SPECC1L: variants seen among roughly 807,000 people sequenced by gnomAD.
SPECC1L encodes the protein sperm antigen with calponin homology and coiled-coil domains 1 like.
In SPECC1L, 40 loss-of-function variants were observed where a neutral mutation model predicts 116.8. That is an observed-to-expected ratio of 0.34 (90% confidence interval 0.27 to 0.45). The LOEUF (loss-of-function observed/expected upper bound fraction) is 0.45. Ranked by LOEUF, SPECC1L falls within the 20% of genes least tolerant of loss-of-function variation. The probability of loss-of-function intolerance (pLI) is 1.00; values close to 1 mark genes in which losing one functional copy is unlikely to be tolerated. For missense variants in SPECC1L, 1,110 were observed against 1,373.6 expected (o/e 0.81, Z 3.03); for synonymous variants, 504 against 500.6 (o/e 1.01, Z -0.09).
Position 24,369,316 on chromosome 22 carries a change from A to C in SPECC1L, c.3083A>C (p.Tyr1028Ser). ...TGGTGTCAGAAGAAAACAGAAGGCT[A>C]TCAGGTAATCATATGATTCTTTTGT... The part of the protein sequence containing the change: ...LKWCQKKTEG[Y>S]QNIDITNFSS... Residue 1028 changes from tyrosine to serine, a missense_variant, in exon 14 of 17, where the codon TAT becomes TCT. Tyr to Ser is a moderately radical substitution (Grantham distance 144). Coordinates refer to ENST00000314328, the MANE Select transcript of SPECC1L (RefSeq NM_015330.6). The C allele has an allele frequency of 6.2e-7, 1 of 1,610,670 alleles. No homozygotes were observed. Among genetic ancestry groups the C allele is most frequent in the South Asian group, 1.1e-5 (1 of 91,008 alleles).
intron 14 of SPECC1L, among the ~76,000 whole-genome samples, chr22:24,390,596 G>A (rs537306973): frequency 2.6e-5 from 4 of 152,134 alleles, no homozygotes; most frequent in Admixed American, 6.5e-5. Context: ...TGTGTTCCAG[G>A]GGTTAAAAAT....
chr22:24,363,333 A>G lies in SPECC1L; in HGVS notation c.2816A>G (p.Lys939Arg), dbSNP rs2041681949. ...LPRVPAMESA[K>R]TLSVSRRSSE... Reference sequence around the variant, plus strand: ...AGAGTGCCTGCGATGGAAAGTGCCAAGACCCTCTCAGGTGATGACTTTCAT... The same window carrying G: ...AGAGTGCCTGCGATGGAAAGTGCCAGGACCCTCTCAGGTGATGACTTTCAT... Residue 939 changes from lysine to arginine, a missense_variant, in exon 12 of 17, where the codon AAG (lysine) becomes AGG (arginine). By Grantham distance (26) the Lys-to-Arg change is conservative. This residue lies in a region of SPECC1L where 575 missense variants were observed against 682.4 expected (regional missense o/e 0.84). Coordinates refer to ENST00000314328, the MANE Select transcript of SPECC1L (RefSeq NM_015330.6). 6.2e-7 allele frequency: 1 copy of G among 1,614,100 alleles called. No homozygotes were observed.
chr22:24,355,426 C>CCTGTCTGT (rs143848080), intron 11 of SPECC1L, among the ~76,000 whole-genome samples: 4,678 of 151,812 alleles, frequency 0.031, 221 homozygotes, highest in South Asian at 0.12. Flanking sequence ...TATACACTAT[C>CCTGTCTGT]CTGTCTGTCT....
At chr22:24,388,206 A>G (rs1412075229) in intron 14 of SPECC1L, among the ~76,000 whole-genome samples, 1 of 149,318 alleles carries the variant, frequency 6.7e-6, no homozygotes, top group Non-Finnish European at 1.5e-5. Flanking sequence ...AACATTAGGT[A>G]TATCTCCTAA....
chr22:24,331,630 C>A (rs934867650), intron 8 of SPECC1L, among the ~76,000 whole-genome samples: 1 of 152,134 alleles, frequency 6.6e-6, no homozygotes, highest in East Asian at 1.9e-4. Flanking sequence ...GTGAGGCCTG[C>A]AGATTCCTGG....
At chr22:24,273,663 G>T (rs1429107031) in intron 1 of SPECC1L, among the ~76,000 whole-genome samples, 4 of 152,032 alleles carry the variant, frequency 2.6e-5, no homozygotes, top group Admixed American at 1.3e-4. Context: ...TGAGATCATT[G>T]GTCACAGTCT....
intron 11 of SPECC1L, among the ~76,000 whole-genome samples, chr22:24,361,654 G>T (rs1315168199): frequency 6.6e-6 from 1 of 151,630 alleles, no homozygotes; most frequent in Non-Finnish European, 1.5e-5. Context: ...AAATTAGTCA[G>T]GTGTGGTGGC....
chr22:24,369,166 T>G lies in SPECC1L; in HGVS notation c.2985-52T>G. The stretch of plus-strand genomic sequence containing the variant: ...AATGCAAACTTTAATACTTTTCTCT[T>G]ATTCTGGTGCCCAAACAAAAAATAT... On this transcript the variant is annotated intron_variant, in intron 13 of 16. Transcript: ENST00000314328. 2.3e-6 allele frequency: 3 copies of G among 1,323,298 alleles called. No homozygotes were observed. In the Admixed American group the frequency reaches 5.0e-5, roughly 22 times the overall value. The allele number at this position is 1,323,298 out of a possible 1,614,324, so 82.0% of individuals were successfully genotyped here. A position where few individuals can be genotyped will look rare whatever the true frequency, so the allele number is the denominator to read the frequency against.
intron 7 of SPECC1L, 86 bp from the exon 8 acceptor site, chr22:24,330,170 C>A: frequency 7.3e-7 from 1 of 1,366,198 alleles, no homozygotes; most frequent in South Asian, 1.2e-5. Context: ...TGCATTATAG[C>A]AATCCAATCA....
intron 2 of SPECC1L, among the ~76,000 whole-genome samples, chr22:24,288,615 C>CTTTTTTTTTTTTTTTTTTTTTTTT (rs756714389): frequency 1.6e-5 from 1 of 61,678 alleles, no homozygotes; most frequent in Admixed American, 2.2e-4. Context: ...AAATTTTAAG[C>CTTTTTTTTTTTTTTTTTTTTTTTT]TTTTTTTTTT....
intron 14 of SPECC1L, among the ~76,000 whole-genome samples, chr22:24,385,271 T>C (rs1470718133): frequency 2.6e-5 from 4 of 152,030 alleles, no homozygotes; most frequent in South Asian, 2.1e-4. Context: ...ATAAGTAGAA[T>C]ATTAATACTT....
chr22:24,405,990 C>G (rs1458672633), intron 14 of SPECC1L, among the ~76,000 whole-genome samples: 1 of 152,160 alleles, frequency 6.6e-6, no homozygotes, highest in Non-Finnish European at 1.5e-5. Context: ...GCTCAGACCC[C>G]TGTCCGCAAG....
chr22:24,338,087 C>T (rs1026846307), intron 9 of SPECC1L, among the ~76,000 whole-genome samples: 16 of 152,132 alleles, frequency 1.1e-4, no homozygotes, highest in African/African-American at 3.9e-4. Flanking sequence ...AATTTCATTG[C>T]TTTATGGAGC....
intron 14 of SPECC1L, among the ~76,000 whole-genome samples, chr22:24,371,808 G>C (rs9612616): frequency 0.17 from 25,652 of 152,140 alleles, 2,672 homozygotes; most frequent in Admixed American, 0.23. Context: ...GGCAGGCTCC[G>C]GCTCCCGGGC....
chr22:24,334,637 T>G, intron 9 of SPECC1L, 64 bp downstream of exon 9: 2 of 1,546,318 alleles, frequency 1.3e-6, no homozygotes, highest in Non-Finnish European at 1.8e-6. Flanking sequence ...TTATATTCTC[T>G]GGTCTGATTT....
At chr22:24,315,609 T>C (rs2040546776) in intron 4 of SPECC1L, among the ~76,000 whole-genome samples, 1 of 152,244 alleles carries the variant, frequency 6.6e-6, no homozygotes, top group South Asian at 2.1e-4. Flanking sequence ...TGGGAGAGAT[T>C]CCATGTGTTT....
Position 24,390,856 on chromosome 22 carries a change from T to TTTTTTTTTTTTTC in SPECC1L, c.3088-20722_3088-20721insTTCTTTTTTTTTT, listed in dbSNP as rs1395650761. ...GCTCTTCTTGGGCCTGTGTTCCTTT[T>TTTTTTTTTTTTTC]TTTTTTTTTTCTTTTCTTTTTTTTT... On this transcript the variant is annotated intron_variant, in intron 14 of 16. Coordinates refer to ENST00000314328, the MANE Select transcript of SPECC1L (RefSeq NM_015330.6). 1.6e-3 allele frequency among the ~76,000 whole-genome samples: 161 copies of TTTTTTTTTTTTTC among 98,192 alleles called. 2 individuals are homozygous for TTTTTTTTTTTTTC. Among genetic ancestry groups the TTTTTTTTTTTTTC allele is most frequent in the African/African-American group, 3.3e-3 (82 of 25,224 alleles). 64.4% of individuals were successfully genotyped at this position (98,192 alleles called of 152,430 possible).
chr22:24,307,376 G>A (rs192148212), intron 3 of SPECC1L, among the ~76,000 whole-genome samples: 17 of 152,178 alleles, frequency 1.1e-4, no homozygotes, highest in African/African-American at 4.1e-4. Context: ...GCACTGATTT[G>A]TGGTTCTTTA....
chr22:24,315,518 A>C (rs1382424104), intron 4 of SPECC1L, among the ~76,000 whole-genome samples: 1 of 152,238 alleles, frequency 6.6e-6, no homozygotes, highest in Admixed American at 6.5e-5. Flanking sequence ...CACATTTAAC[A>C]TTGTAGCTTA....
Sources: gnomAD v4.1 joint callset for allele counts (sites outside exome capture counted in the v4.1 genomes callset) on GRCh38, gnomAD v4.1.1 for gene constraint, gnomAD v4.1.1 regional missense constraint, MANE v1.5 for transcripts, NCBI Gene and HGNC (gene_info 2026-07-23, HGNC 2026-07-21) for gene names.